SGCZ: variants seen among roughly 807,000 people sequenced by gnomAD.
SGCZ encodes the protein zeta-sarcoglycan.
SGCZ carries 40 observed loss-of-function variants against 41.3 expected under a neutral mutation model. The ratio of observed to expected loss-of-function variants is 0.97; its 90% CI spans 0.75 to 1.26. The LOEUF is 1.26. SGCZ is among the 50% of genes most tolerant of loss of function. The probability of loss-of-function intolerance (pLI) is 0.00; values close to 1 mark genes in which losing one functional copy is unlikely to be tolerated. For synonymous variants in SGCZ, 206 were observed against 137.5 expected (o/e 1.50, Z -3.49); for missense variants, 552 against 369.8 (o/e 1.49, Z -4.04).
At chr8:14,485,998 C>T (rs78213120) in intron 2 of SGCZ, among the ~76,000 whole-genome samples, 101,632 of 151,720 alleles carry the variant, frequency 0.67, 35,109 homozygotes, top group East Asian at 0.79. Flanking sequence ...TCCGCCACCG[C>T]GCCCGGCTAA....
chr8:14,389,093 T>A (rs1293124401), intron 2 of SGCZ, among the ~76,000 whole-genome samples: 15 of 151,948 alleles, frequency 9.9e-5, no homozygotes, highest in Non-Finnish European at 2.9e-5. Context: ...GATTCATTCA[T>A]AGAAGAAAAC....
intron 1 of SGCZ, among the ~76,000 whole-genome samples, chr8:15,008,731 G>T (rs183717256): frequency 3.6e-3 from 217 of 60,418 alleles, no homozygotes; most frequent in African/African-American, 0.014. Flanking sequence ...GGAGGAGGGG[G>T]GAGGAGGGAG....
chr8:14,678,913 T>C (rs571337823), intron 1 of SGCZ, among the ~76,000 whole-genome samples: 1 of 152,136 alleles, frequency 6.6e-6, no homozygotes, highest in Non-Finnish European at 1.5e-5. Context: ...TATTACTAAA[T>C]GACAGAAGCT....
chr8:14,137,926 G>T (rs1803251645), intron 5 of SGCZ, among the ~76,000 whole-genome samples: 1 of 152,192 alleles, frequency 6.6e-6, no homozygotes, highest in Non-Finnish European at 1.5e-5. Context: ...AGGGCAGCCA[G>T]AGAGAAAGGT....
chr8:15,213,883 A>G (rs573523342), intron 1 of SGCZ, among the ~76,000 whole-genome samples: 17 of 152,146 alleles, frequency 1.1e-4, no homozygotes, highest in African/African-American at 4.1e-4. Flanking sequence ...TTAAAAAACC[A>G]CAATTCTAAG....
chr8:14,679,299 G>A (rs956809770), intron 1 of SGCZ, among the ~76,000 whole-genome samples: 16 of 151,890 alleles, frequency 1.1e-4, no homozygotes, highest in African/African-American at 3.9e-4. Context: ...TTAACTGTAA[G>A]CCTCAGGAAG....
At chr8:14,945,269 C>A (rs1485008737) in intron 1 of SGCZ, among the ~76,000 whole-genome samples, 1 of 152,028 alleles carries the variant, frequency 6.6e-6, no homozygotes, top group Non-Finnish European at 1.5e-5. Context: ...CAAGAAAAAT[C>A]TATATAGATC....
rs35602830 is a variant in SGCZ, at chr8:14,669,693, T to TACAC, written c.40-114771_40-114768dup. ...GCTGAATAATATTCCATTTTGTGTA[T>TACAC]ACACACACACACACACACACACACA... On this transcript the variant is annotated intron_variant, in intron 1 of 7. Coordinates refer to ENST00000382080, the MANE Select transcript of SGCZ (RefSeq NM_139167.4). Among the ~76,000 whole-genome samples, 57 of 147,672 alleles carry TACAC rather than the reference T, an allele frequency of 3.9e-4. No homozygotes were observed. In the East Asian group the frequency reaches 6.7e-3, roughly 17 times the overall value.
At chr8:14,362,840 C>T (rs754888261) in intron 2 of SGCZ, among the ~76,000 whole-genome samples, 8 of 152,144 alleles carry the variant, frequency 5.3e-5, no homozygotes, top group Non-Finnish European at 7.4e-5. Flanking sequence ...CTACCCTACA[C>T]GATTCCTTAT....
intron 1 of SGCZ, among the ~76,000 whole-genome samples, chr8:15,064,255 T>C (rs1805041105): frequency 6.6e-6 from 1 of 152,088 alleles, no homozygotes; most frequent in African/African-American, 2.4e-5. Context: ...GCCACAAACA[T>C]ATGAAGCAGA....
At chr8:14,263,323 C>T (rs754002746) in intron 3 of SGCZ, among the ~76,000 whole-genome samples, 1 of 151,988 alleles carries the variant, frequency 6.6e-6, no homozygotes, top group African/African-American at 2.4e-5. Context: ...CTGATTCAGG[C>T]GGATCACTTG....
intron 2 of SGCZ, among the ~76,000 whole-genome samples, chr8:14,337,140 C>A (rs1341162387): frequency 6.6e-6 from 1 of 152,122 alleles, no homozygotes; most frequent in African/African-American, 2.4e-5. Flanking sequence ...CCACCCCTCC[C>A]AATATATGGC....
At chr8:14,837,701 T>C (rs1802748476) in intron 1 of SGCZ, among the ~76,000 whole-genome samples, 1 of 152,224 alleles carries the variant, frequency 6.6e-6, no homozygotes, top group Non-Finnish European at 1.5e-5. Context: ...CTTATTTATA[T>C]ATTTTTTAAA....
intron 2 of SGCZ, among the ~76,000 whole-genome samples, chr8:14,443,337 G>A (rs1306178375): frequency 6.6e-6 from 1 of 152,080 alleles, no homozygotes; most frequent in Admixed American, 6.6e-5. Context: ...AACCAAAAAA[G>A]AGCCCGCATC....
At chr8:15,054,546 C>G (rs1259369949) in intron 1 of SGCZ, among the ~76,000 whole-genome samples, 1 of 152,106 alleles carries the variant, frequency 6.6e-6, no homozygotes, top group African/African-American at 2.4e-5. Context: ...TTGGGTGAAA[C>G]GAAGCCGTAG....
intron 3 of SGCZ, among the ~76,000 whole-genome samples, chr8:14,321,208 AT>A (rs1199654428): frequency 1.3e-5 from 2 of 152,088 alleles, no homozygotes; most frequent in Non-Finnish European, 2.9e-5. Flanking sequence ...TTCCCTGAGA[AT>A]AATGTTAATT....
At chr8:14,258,654 C>T (rs948805941) in intron 3 of SGCZ, among the ~76,000 whole-genome samples, 1 of 151,934 alleles carries the variant, frequency 6.6e-6, no homozygotes, top group African/African-American at 2.4e-5. Context: ...CAGAAGAGCA[C>T]AAAATAATAT....
At chr8:14,513,677 G>T (rs1309783973) in intron 2 of SGCZ, among the ~76,000 whole-genome samples, 2 of 152,030 alleles carry the variant, frequency 1.3e-5, no homozygotes, top group African/African-American at 4.8e-5. Flanking sequence ...GATTTAATAG[G>T]AAATAAATAT....
At chr8:14,894,265 C>A (rs1298929269) in intron 1 of SGCZ, among the ~76,000 whole-genome samples, 1 of 151,944 alleles carries the variant, frequency 6.6e-6, no homozygotes, top group Non-Finnish European at 1.5e-5. Flanking sequence ...AGTTAAGCAA[C>A]TATAGTTAAT....
Sources: gnomAD v4.1 joint callset for allele counts (sites outside exome capture counted in the v4.1 genomes callset) on GRCh38, gnomAD v4.1.1 for gene constraint, MANE v1.5 for transcripts, NCBI Gene and HGNC (gene_info 2026-07-23, HGNC 2026-07-21) for gene names.